CABLES1: variants seen among roughly 807,000 people sequenced by gnomAD.
CABLES1 encodes Cdk5 and Abl enzyme substrate 1.
In CABLES1, 36 loss-of-function variants were observed where a neutral mutation model predicts 57.8. The observed-to-expected ratio is 0.62, with a 90% CI of 0.48 to 0.82. CABLES1 has a LOEUF of 0.82. CABLES1 is among the 40% of genes least tolerant of loss of function. CABLES1 has a pLI of 0.00. For synonymous variants in CABLES1, 374 were observed against 363.0 expected (o/e 1.03, Z -0.35); for missense variants, 767 against 836.6 (o/e 0.92, Z 1.03).
upstream of CABLES1, among the ~76,000 whole-genome samples, chr18:23,134,870 C>T (rs1388685286): frequency 6.6e-6 from 1 of 152,112 alleles, no homozygotes; most frequent in Non-Finnish European, 1.5e-5. Flanking sequence ...TGCATTTATC[C>T]CGGGGGCTGC....
At chr18:23,244,114 T>C (rs1420617298) in intron 7 of CABLES1, among the ~76,000 whole-genome samples, 8 of 152,368 alleles carry the variant, frequency 5.3e-5, no homozygotes. Flanking sequence ...ACTGCCACTG[T>C]TTCAGCAGCT....
At chr18:23,180,051 T>A (rs2047153595) in intron 1 of CABLES1, among the ~76,000 whole-genome samples, 1 of 152,182 alleles carries the variant, frequency 6.6e-6, no homozygotes, top group Non-Finnish European at 1.5e-5. Flanking sequence ...TCTGAGTAGC[T>A]GGGACTACAG....
At chr18:23,239,093 TTTAAATGA>T (rs1249687485) in intron 7 of CABLES1, among the ~76,000 whole-genome samples, 1 of 152,266 alleles carries the variant, frequency 6.6e-6, no homozygotes, top group Non-Finnish European at 1.5e-5. Flanking sequence ...CTTTTTTTTC[TTTAAATGA>T]TTTCATTGTG....
At chr18:23,173,829 T>G (rs1231495114) in intron 1 of CABLES1, among the ~76,000 whole-genome samples, 1 of 152,136 alleles carries the variant, frequency 6.6e-6, no homozygotes. Flanking sequence ...GGGTGTGATA[T>G]GGCATGTGCC....
At chr18:23,156,342 G>A (rs1204029160) in intron 1 of CABLES1, among the ~76,000 whole-genome samples, 1 of 152,218 alleles carries the variant, frequency 6.6e-6, no homozygotes, top group East Asian at 1.9e-4. Context: ...CTGGGTTGAT[G>A]CTGGCCAAAG....
At chr18:23,208,340 G>A (rs1159231955) in intron 3 of CABLES1, among the ~76,000 whole-genome samples, 1 of 152,206 alleles carries the variant, frequency 6.6e-6, no homozygotes, top group African/African-American at 2.4e-5. Context: ...TAGCTCATGA[G>A]CATTTAAATA....
chr18:23,135,807 C>T lies in CABLES1; in HGVS notation c.45C>T (p.Ser15=). The T allele has an allele frequency of 1.0e-6, 1 of 968,748 alleles. No homozygotes were observed. Among genetic ancestry groups the T allele is most frequent in the Non-Finnish European group, 1.2e-6 (1 of 815,146 alleles). The allele number at this position is 968,748 out of a possible 1,614,324, so 60.0% of individuals were successfully genotyped here. A position where few individuals can be genotyped will look rare whatever the true frequency, so the allele number is the denominator to read the frequency against. ...CCGCCACCACGGCCGCCTGCAGCAG[C>T]GGCAGCGCCGGCACCGACGCCGCGG... ...AAAATTAACS[S]GSAGTDAAGA... is the part of the protein sequence containing the mutation. Residue 15 remains serine (S), a synonymous_variant, in exon 1 of 10, where the codon AGC becomes AGT. Coordinates refer to ENST00000256925, the MANE Select transcript of CABLES1 (RefSeq NM_001100619.3).
chr18:23,239,006 G>A (rs1378975461), intron 7 of CABLES1, among the ~76,000 whole-genome samples: 2 of 152,244 alleles, frequency 1.3e-5, no homozygotes, highest in Non-Finnish European at 2.9e-5. Flanking sequence ...ACAGACACGT[G>A]CCTGGTGATA....
chr18:23,144,750 C>T (rs2144952839), intron 1 of CABLES1, among the ~76,000 whole-genome samples: 1 of 152,256 alleles, frequency 6.6e-6, no homozygotes, highest in East Asian at 1.9e-4. Flanking sequence ...TTGGAGCTGA[C>T]TCCTACCCAC....
chr18:23,152,683 C>T (rs947962336), intron 1 of CABLES1, among the ~76,000 whole-genome samples: 1 of 151,712 alleles, frequency 6.6e-6, no homozygotes, highest in African/African-American at 2.4e-5. Context: ...TGGGGTTTCA[C>T]CATGTTGGCC....
chr18:23,213,192 T>C (rs2047417277), intron 3 of CABLES1, among the ~76,000 whole-genome samples: 1 of 152,166 alleles, frequency 6.6e-6, no homozygotes, highest in African/African-American at 2.4e-5. Flanking sequence ...AAAGAAAGGA[T>C]GACAAAAGTA....
chr18:23,156,009 T>C lies in CABLES1; in HGVS notation c.845+19402T>C. On this transcript the variant is annotated intron_variant, in intron 1 of 9. Transcript: ENST00000256925. ...AGAGAGCTGAGTCTGTTTTTTTGGCTCCCCCCTTTGGATGCTGACGGTCTT... is the reference window on the plus strand; with the variant it reads ...AGAGAGCTGAGTCTGTTTTTTTGGCCCCCCCCTTTGGATGCTGACGGTCTT... The C allele has an allele frequency of 1.9e-6, 3 of 1,599,670 alleles. No homozygotes were observed. The South Asian group carries it at 3.3e-5, about 18-fold the overall frequency.
At chr18:23,217,706 T>A (rs1475141747) in intron 4 of CABLES1, among the ~76,000 whole-genome samples, 1 of 152,268 alleles carries the variant, frequency 6.6e-6, no homozygotes, top group Non-Finnish European at 1.5e-5. Flanking sequence ...CTAGTAAATA[T>A]ACGAATAAAT....
intron 4 of CABLES1, among the ~76,000 whole-genome samples, chr18:23,221,263 T>G (rs2047484878): frequency 6.6e-6 from 1 of 152,246 alleles, no homozygotes; most frequent in African/African-American, 2.4e-5. Context: ...TATTGTTTGA[T>G]TTACAGAGTT....
chr18:23,147,908 C>T (rs921283597), intron 1 of CABLES1, among the ~76,000 whole-genome samples: 2 of 151,584 alleles, frequency 1.3e-5, no homozygotes, highest in African/African-American at 4.8e-5. Context: ...TTTGAGAAGA[C>T]CCAACTTTTG....
At chr18:23,246,003 C>G (rs1211746779) in intron 7 of CABLES1, among the ~76,000 whole-genome samples, 1 of 152,204 alleles carries the variant, frequency 6.6e-6, no homozygotes, top group Non-Finnish European at 1.5e-5. Context: ...CACGGTGGCT[C>G]ACGCCTGTAA....
At position 23,188,901 on chromosome 18, in the gene CABLES1, T is replaced by A; in HGVS notation, c.909T>A (p.Pro303=). The A allele has an allele frequency of 6.2e-7, 1 of 1,610,426 alleles. No homozygotes were observed. The highest frequency in any genetic ancestry group is 8.5e-7 in the Non-Finnish European group (1 of 1,177,076). Residue 303 remains proline, a synonymous_variant, in exon 2 of 10, where the codon CCT becomes CCA. Coordinates refer to ENST00000256925, the MANE Select transcript of CABLES1 (RefSeq NM_001100619.3). ...ETLEDIEENA[P]LRRCRTLSGS... is the part of the protein sequence containing the mutation. ...TGGAAGATATTGAGGAGAACGCCCC[T>A]CTCCGGAGGTAATTTTCTGTTTCAT...
intron 4 of CABLES1, among the ~76,000 whole-genome samples, chr18:23,218,219 C>T (rs1251907572): frequency 6.6e-6 from 1 of 152,208 alleles, no homozygotes; most frequent in African/African-American, 2.4e-5. Flanking sequence ...TGTTTTCTGG[C>T]CACTTGTGCT....
At position 23,257,326 on chromosome 18, in the gene CABLES1, G is replaced by T; in HGVS notation, c.1861G>T (p.Glu621Ter). 6.2e-7 allele frequency: 1 copy of T among 1,613,834 alleles called. No homozygotes were observed. Among genetic ancestry groups the T allele is most frequent in the Non-Finnish European group, 8.5e-7 (1 of 1,179,958 alleles). Residue 621 changes from glutamate (E) to a stop codon, truncating the protein, a stop_gained, in exon 10 of 10, where the codon GAA becomes TAA. Transcript: ENST00000256925. LOFTEE classifies it high-confidence loss of function. ...ATTCGCCCTCCACTTGCCCGAGCAC[G>T]AAGTCATGCCCCACTACAGACGGCT... ...LEFALHLPEH[E>*]VMPHYRRLVQ...
Sources: gnomAD v4.1 joint callset for allele counts (sites outside exome capture counted in the v4.1 genomes callset) on GRCh38, gnomAD v4.1.1 for gene constraint, MANE v1.5 for transcripts, NCBI Gene and HGNC (gene_info 2026-07-23, HGNC 2026-07-21) for gene names.